Variants in SLC6A16 observed in about 807,000 individuals in gnomAD.
SLC6A16 encodes the protein solute carrier family 6 member 16.
A neutral mutation model predicts 65.4 loss-of-function variants in SLC6A16; 54 were observed. The ratio of observed to expected loss-of-function variants is 0.83; its 90% CI spans 0.66 to 1.04. The LOEUF (loss-of-function observed/expected upper bound fraction) is 1.04, where lower values mean the gene tolerates loss of function less well. Among genes scored for constraint, SLC6A16 ranks in the 50% least tolerant of loss-of-function variants. The pLI is 0.00. For synonymous variants in SLC6A16, 330 were observed against 346.5 expected (o/e 0.95, Z 0.53); for missense variants, 816 against 914.0 (o/e 0.89, Z 1.38).
In SLC6A16 at chr19:49,290,025, T is replaced by G; in HGVS notation, c.*98A>C. On this transcript the variant is annotated 3_prime_UTR_variant, in exon 12 of 12. Coordinates refer to ENST00000335875, the MANE Select transcript of SLC6A16 (RefSeq NM_014037.3). ...CCCCTCCTCTTGGAAATAAAAGTGG[T>G]TCTGGATCCAGGGAGATCAACAGTT... is the stretch of plus-strand genomic sequence containing the variant. The G allele has an allele frequency of 1.5e-6, 2 of 1,292,902 alleles. No individual in the cohort carries two copies. Among genetic ancestry groups the G allele is most frequent in the Non-Finnish European group, 2.1e-6 (2 of 934,274 alleles). 80.1% of individuals were successfully genotyped at this position (1,292,902 alleles called of 1,614,324 possible).
chr19:49,340,155 A>G, the SLC6A16 span: 2 of 1,504,646 alleles, frequency 1.3e-6, no homozygotes, highest in Admixed American at 1.7e-5. Flanking sequence ...CGCCCAATTC[A>G]CGGCCCCACC....
upstream of SLC6A16, among the ~76,000 whole-genome samples, chr19:49,330,196 G>A (rs1237358470): frequency 2.6e-5 from 4 of 152,180 alleles, no homozygotes; most frequent in African/African-American, 9.7e-5. Context: ...AAGTACTGGA[G>A]TGTGCAGGAG....
the SLC6A16 span, chr19:49,338,031 T>C: frequency 2.5e-6 from 4 of 1,613,456 alleles, no homozygotes; most frequent in East Asian, 8.9e-5. This position sits in a 1 kb window ranked among gnomAD's most constrained non-coding sequence, Gnocchi z 5.0. Context: ...CAGTTCCAGG[T>C]AAGCCCCCCT....
chr19:49,309,989 A>T, intron 4 of SLC6A16, 51 bp downstream of exon 4: 1 of 1,582,536 alleles, frequency 6.3e-7, no homozygotes, highest in African/African-American at 1.4e-5. Context: ...ATTCCCTTCT[A>T]CTTCTACTTC....
At chr19:49,326,500 A>G (rs1970798831), upstream of SLC6A16, among the ~76,000 whole-genome samples, 1 of 152,206 alleles carries the variant, frequency 6.6e-6, no homozygotes, top group African/African-American at 2.4e-5. Flanking sequence ...ATGATTGAAC[A>G]AAGAGATGAA....
intron 7 of SLC6A16, among the ~76,000 whole-genome samples, chr19:49,296,599 T>A (rs1034554642): frequency 6.6e-6 from 1 of 152,154 alleles, no homozygotes; most frequent in African/African-American, 2.4e-5. Context: ...AGAAAAAAAT[T>A]TAATTTTGAT....
chr19:49,329,622 C>CTTTTTTT (rs71180620), upstream of SLC6A16, among the ~76,000 whole-genome samples: 3 of 70,728 alleles, frequency 4.2e-5, no homozygotes, highest in Admixed American at 1.7e-4. Context: ...AAGGCCTTGT[C>CTTTTTTT]TTTTTTTTTT....
chr19:49,331,722 AGTCTAGAAATGGGCTGT>A, the SLC6A16 span: 3 of 456,860 alleles, frequency 6.6e-6, 1 homozygote, highest in Non-Finnish European at 1.3e-5. Context: ...TTTCAGGCTG[AGTCTAGAAATGGGCTGT>A]GTCCCTTCTG....
At chr19:49,313,344 T>C (rs952564332) in intron 1 of SLC6A16, among the ~76,000 whole-genome samples, 3 of 152,054 alleles carry the variant, frequency 2.0e-5, no homozygotes, top group Non-Finnish European at 4.4e-5. Context: ...TAAAAGTTTT[T>C]TTCAAGATGG....
At chr19:49,326,164 C>A (rs1036816115), upstream of SLC6A16, among the ~76,000 whole-genome samples, 1 of 149,080 alleles carries the variant, frequency 6.7e-6, no homozygotes, top group African/African-American at 2.5e-5. Context: ...AGCAAGACTC[C>A]GTCTCAAAAA....
chr19:49,302,596 A>G (rs765616228), intron 7 of SLC6A16, among the ~76,000 whole-genome samples: 12 of 152,248 alleles, frequency 7.9e-5, no homozygotes, highest in Non-Finnish European at 1.3e-4. Flanking sequence ...GAGAATCATG[A>G]TAACACCAAA....
In SLC6A16 at chr19:49,308,889, G is replaced by A. The variant is rs138717616; in HGVS notation, c.1216C>T (p.Arg406Cys). The part of the protein sequence containing the change: ...LGFWATVITH[R>C]CCERNAEILL... ...GGCCGGCCTTACCTCTCACAGCAGC[G>A]ATGTGTGATGACTGTCGCCCAGAAG... Residue 406 changes from arginine to cysteine, a missense_variant, in exon 7 of 12, where the codon CGC becomes TGC. Arg to Cys is a radical substitution (Grantham distance 180). Coordinates refer to ENST00000335875, the MANE Select transcript of SLC6A16 (RefSeq NM_014037.3). The A allele has an allele frequency of 6.1e-5, 99 of 1,614,132 alleles. No homozygotes were observed. In the East Asian group the frequency reaches 1.3e-3, roughly 22 times the overall value.
At chr19:49,336,851 A>C in the SLC6A16 span, 15 of 1,590,722 alleles carry the variant, frequency 9.4e-6, 1 homozygote, top group Middle Eastern at 1.7e-4. Flanking sequence ...TAGGTGGGAA[A>C]TGGGGCTGCC....
upstream of SLC6A16, among the ~76,000 whole-genome samples, chr19:49,328,758 T>C (rs1308177065): frequency 6.6e-6 from 1 of 152,240 alleles, no homozygotes; most frequent in East Asian, 1.9e-4. Context: ...GGTGGGGAAC[T>C]TCAGGACTAG....
upstream of SLC6A16, among the ~76,000 whole-genome samples, chr19:49,330,006 C>A (rs1340439981): frequency 6.6e-6 from 1 of 151,932 alleles, no homozygotes; most frequent in African/African-American, 2.4e-5. Flanking sequence ...GTTGTCCCAG[C>A]TACTCAGGAG....
chr19:49,327,379 C>T (rs1568544260), upstream of SLC6A16, among the ~76,000 whole-genome samples: 1 of 152,186 alleles, frequency 6.6e-6, no homozygotes, highest in Non-Finnish European at 1.5e-5. Flanking sequence ...TGAGCCACTG[C>T]GCCCGGCCCA....
At chr19:49,339,739 G>C in the SLC6A16 span, 1 of 1,388,114 alleles carries the variant, frequency 7.2e-7, no homozygotes, top group Non-Finnish European at 9.3e-7. This position sits in a 1 kb window ranked among gnomAD's most constrained non-coding sequence, Gnocchi z 4.5. Context: ...GGGCGCTGGG[G>C]ATTCGAGCCC....
In SLC6A16 at chr19:49,310,530, G is replaced by T; in HGVS notation, c.416-20C>A. 6.2e-7 allele frequency: 1 copy of T among 1,613,738 alleles called. No homozygotes were observed. The highest frequency in any genetic ancestry group is 8.5e-7 in the Non-Finnish European group (1 of 1,179,852). On this transcript the variant is annotated intron_variant, in intron 2 of 11. Coordinates refer to ENST00000335875, the MANE Select transcript of SLC6A16 (RefSeq NM_014037.3). ...AACTGCCTGTGAAGAAGATTCAGAA[G>T]GGACTCTGAGAACCATGTGGCCTTT... is the stretch of plus-strand genomic sequence containing the variant.
chr19:49,331,457 C>T, the SLC6A16 span, among the ~76,000 whole-genome samples: 1 of 152,190 alleles, frequency 6.6e-6, no homozygotes, highest in South Asian at 2.1e-4. Flanking sequence ...GCTGGAATTA[C>T]AGGCATGAGC....
Sources: gnomAD v4.1 joint callset for allele counts (sites outside exome capture counted in the v4.1 genomes callset) on GRCh38, gnomAD v4.1.1 for gene constraint, Gnocchi (gnomAD v3.1) non-coding constraint, MANE v1.5 for transcripts, NCBI Gene and HGNC (gene_info 2026-07-23, HGNC 2026-07-21) for gene names.